The following FHIT variants were observed in gnomAD, a reference collection of about 807,000 sequenced individuals.
FHIT encodes fragile histidine triad diadenosine triphosphatase, also known as bis(5'-adenosyl)-triphosphatase.
Under a neutral mutation model 17.9 loss-of-function variants are expected in FHIT, and 19 were observed. That is an observed-to-expected ratio of 1.06 (90% CI 0.74 to 1.56). FHIT has a LOEUF of 1.56. Among genes scored for constraint, FHIT ranks in the 40% most tolerant of loss-of-function variants. The pLI, the probability that FHIT is intolerant of heterozygous loss-of-function variation, is 0.00. For missense variants in FHIT, 248 were observed against 189.2 expected, an observed-to-expected ratio of 1.31 and a Z score of -1.82; for synonymous variants, 81 against 69.7, an observed-to-expected ratio of 1.16 and a Z score of -0.81.
chr3:59,976,229 C>A (rs993874779), intron 7 of FHIT, among the ~76,000 whole-genome samples: 1 of 152,054 alleles, frequency 6.6e-6, no homozygotes, highest in Non-Finnish European at 1.5e-5. Flanking sequence ...CCTGGCTGAG[C>A]AAATGCTTTA....
intron 5 of FHIT, among the ~76,000 whole-genome samples, chr3:60,169,294 G>A (rs1430484805): frequency 6.6e-6 from 1 of 152,106 alleles, no homozygotes; most frequent in Non-Finnish European, 1.5e-5. Flanking sequence ...GCTTTCAGGG[G>A]TACTGTAATA....
chr3:60,308,595 C>G (rs1410073753), intron 5 of FHIT, among the ~76,000 whole-genome samples: 4 of 151,074 alleles, frequency 2.6e-5, no homozygotes, highest in Admixed American at 2.0e-4. Flanking sequence ...AATTAGTGAG[C>G]TGAACAAAAT....
intron 5 of FHIT, among the ~76,000 whole-genome samples, chr3:60,437,309 A>G (rs948143045): frequency 1.3e-5 from 2 of 152,136 alleles, no homozygotes; most frequent in Non-Finnish European, 2.9e-5. Flanking sequence ...ATTTACAATA[A>G]AAGGGAGTGA....
At chr3:60,824,747 T>G (rs575631548) in intron 3 of FHIT, among the ~76,000 whole-genome samples, 1 of 152,090 alleles carries the variant, frequency 6.6e-6, no homozygotes, top group Non-Finnish European at 1.5e-5. Context: ...TCTCGAGAGA[T>G]CTGATGGTTT....
At chr3:59,963,276 T>A (rs1435091572) in intron 7 of FHIT, among the ~76,000 whole-genome samples, 1 of 149,506 alleles carries the variant, frequency 6.7e-6, no homozygotes, top group African/African-American at 2.4e-5. Flanking sequence ...CAAAAAATAA[T>A]AATAATAATA....
chr3:60,151,781 T>A (rs993837874), intron 5 of FHIT, among the ~76,000 whole-genome samples: 2 of 152,200 alleles, frequency 1.3e-5, no homozygotes, highest in Non-Finnish European at 2.9e-5. Flanking sequence ...CCATTCAGTT[T>A]ACTGCACCAA....
chr3:60,414,793 A>T (rs1206544239), intron 5 of FHIT, among the ~76,000 whole-genome samples: 2 of 152,206 alleles, frequency 1.3e-5, no homozygotes, highest in African/African-American at 4.8e-5. Context: ...TGAGCATGCA[A>T]TTATTGTAAG....
chr3:60,045,612 A>C (rs1701621494), intron 5 of FHIT, among the ~76,000 whole-genome samples: 1 of 152,158 alleles, frequency 6.6e-6, no homozygotes, highest in South Asian at 2.1e-4. Flanking sequence ...AATTTAAAAG[A>C]AGGAAAAAGA....
intron 5 of FHIT, among the ~76,000 whole-genome samples, chr3:60,406,439 C>A (rs985313971): frequency 5.9e-5 from 9 of 152,324 alleles, no homozygotes; most frequent in African/African-American, 2.2e-4. Context: ...TGGCAGACCA[C>A]TGGAGCCAAT....
chr3:61,019,477 T>C (rs1237216373), intron 3 of FHIT, among the ~76,000 whole-genome samples: 1 of 152,188 alleles, frequency 6.6e-6, no homozygotes, highest in Non-Finnish European at 1.5e-5. Context: ...ATTAAGTATA[T>C]GTTGAGTCTC....
At chr3:60,333,501 A>T (rs1216443283) in intron 5 of FHIT, among the ~76,000 whole-genome samples, 4 of 152,044 alleles carry the variant, frequency 2.6e-5, no homozygotes, top group Admixed American at 6.5e-5. Flanking sequence ...TTACAAACCA[A>T]TTGAACTTTT....
intron 5 of FHIT, among the ~76,000 whole-genome samples, chr3:60,264,922 C>A (rs2107616552): frequency 6.6e-6 from 1 of 151,964 alleles, no homozygotes; most frequent in Non-Finnish European, 1.5e-5. Flanking sequence ...CACAGATTTT[C>A]TTTATATCCT....
intron 5 of FHIT, among the ~76,000 whole-genome samples, chr3:60,198,821 G>C (rs1576295479): frequency 6.6e-6 from 1 of 152,126 alleles, no homozygotes; most frequent in East Asian, 1.9e-4. Context: ...ACTGAAAAAT[G>C]CATTTGCACC....
In FHIT at chr3:60,966,775, G is replaced by A. The variant is rs1374130954; in HGVS notation, c.-111+75272C>T. Among the ~76,000 whole-genome samples, 4 of 152,234 alleles carry A rather than the reference G, an allele frequency of 2.6e-5. No individual in the cohort carries two copies. The South Asian group carries it at 8.3e-4, about 32-fold the overall frequency. On this transcript the variant is annotated intron_variant, in intron 3 of 9. Transcript: ENST00000492590. ...GATAATTTAAACTGCAATTGGAACA[G>A]AAGATATGGTAAAATGTGACAAATC...
intron 5 of FHIT, among the ~76,000 whole-genome samples, chr3:60,133,078 T>C (rs981930474): frequency 9.2e-5 from 14 of 152,132 alleles, no homozygotes; most frequent in African/African-American, 2.9e-4. Context: ...TTAATGTGGA[T>C]TGATACTAAA....
chr3:60,709,990 G>A (rs1428945249), intron 4 of FHIT, among the ~76,000 whole-genome samples: 1 of 149,416 alleles, frequency 6.7e-6, no homozygotes, highest in African/African-American at 2.5e-5. Flanking sequence ...AGTCTCACAA[G>A]TGCTTTTCCT....
At chr3:59,824,888 A>T (rs1700921559) in intron 8 of FHIT, among the ~76,000 whole-genome samples, 1 of 151,998 alleles carries the variant, frequency 6.6e-6, no homozygotes, top group African/African-American at 2.4e-5. Flanking sequence ...AACCCCCACC[A>T]TTGTAGACTA....
At chr3:60,257,908 G>T (rs949484250) in intron 5 of FHIT, among the ~76,000 whole-genome samples, 3 of 152,096 alleles carry the variant, frequency 2.0e-5, no homozygotes, top group Admixed American at 6.6e-5. Flanking sequence ...TCAACGGGGA[G>T]GAGAGAGAAT....
intron 7 of FHIT, among the ~76,000 whole-genome samples, chr3:59,978,393 T>G (rs1394769175): frequency 1.3e-5 from 2 of 152,012 alleles, no homozygotes; most frequent in Non-Finnish European, 2.9e-5. Flanking sequence ...CCATTAGATA[T>G]CTACAATATT....
Sources: allele counts gnomAD v4.1 joint callset (sites outside exome capture counted in the v4.1 genomes callset), GRCh38; gene constraint gnomAD v4.1.1; transcripts MANE v1.5; gene names NCBI Gene and HGNC (gene_info 2026-07-23, HGNC 2026-07-21).